PTPRD: variants seen among roughly 807,000 people sequenced by gnomAD.
PTPRD encodes the protein protein tyrosine phosphatase receptor type D.
In PTPRD, 34 loss-of-function variants were observed where a neutral mutation model predicts 214.5. That is an observed-to-expected ratio of 0.16 (90% confidence interval 0.12 to 0.21). The LOEUF is 0.21. Among genes scored for constraint, PTPRD ranks in the 10% least tolerant of loss-of-function variants. PTPRD has a pLI of 1.00. For missense variants in PTPRD, 2,545 were observed against 2,398.7 expected, an observed-to-expected ratio of 1.06 and a Z score of -1.27; for synonymous variants, 1,128 against 845.7, an observed-to-expected ratio of 1.33 and a Z score of -5.79.
chr9:9,396,640 C>A (rs1159060558), intron 9 of PTPRD, among the ~76,000 whole-genome samples: 1 of 151,852 alleles, frequency 6.6e-6, no homozygotes, highest in Non-Finnish European at 1.5e-5. Context: ...TTTTACCAAG[C>A]AGTCTAGTCT....
At chr9:8,713,495 T>C (rs2098390192) in intron 12 of PTPRD, 3 of 1,136,150 alleles carry the variant, frequency 2.6e-6, no homozygotes, top group Non-Finnish European at 2.6e-6. Flanking sequence ...GGGGAGACTG[T>C]CTACTGTGGT....
chr9:9,978,260 T>A (rs1368458349), intron 4 of PTPRD, among the ~76,000 whole-genome samples: 1 of 152,120 alleles, frequency 6.6e-6, no homozygotes, highest in African/African-American at 2.4e-5. Context: ...ACTGGGTAAC[T>A]GCTTTAAAAT....
intron 9 of PTPRD, among the ~76,000 whole-genome samples, chr9:9,269,087 G>GA (rs374207330): frequency 4.7e-4 from 71 of 151,124 alleles, no homozygotes; most frequent in African/African-American, 1.6e-3. Flanking sequence ...TACGGAATGG[G>GA]AAAAAATATC....
Position 9,874,927 on chromosome 9 carries a change from G to A in PTPRD, c.-368+63580C>T, listed in dbSNP as rs144862007. ...CCAGGATAAAATCTTATGATTCCAA[G>A]GTTTATAATAGATAGATTACCTTAA... On this transcript the variant is annotated intron_variant, in intron 5 of 45. Coordinates refer to ENST00000381196, the MANE Select transcript of PTPRD (RefSeq NM_002839.4). Among the ~76,000 whole-genome samples the A allele has an allele frequency of 2.2e-3, 340 of 152,130 alleles. 5 individuals are homozygous for A. The highest frequency in any genetic ancestry group is 8.1e-3 in the African/African-American group (335 of 41,516).
intron 7 of PTPRD, among the ~76,000 whole-genome samples, chr9:9,716,351 T>C (rs931851759): frequency 7.3e-5 from 11 of 151,724 alleles, no homozygotes; most frequent in Admixed American, 6.6e-4. Flanking sequence ...TGATTTATAG[T>C]CCTTTGGGTA....
intron 11 of PTPRD, among the ~76,000 whole-genome samples, chr9:8,819,925 A>C (rs2890828): frequency 6.6e-6 from 1 of 151,838 alleles, no homozygotes; most frequent in Admixed American, 6.6e-5. Context: ...TCAGGAAGCT[A>C]AGTATTATAA....
chr9:8,396,318 A>T (rs1019487034), intron 36 of PTPRD, among the ~76,000 whole-genome samples: 1 of 152,144 alleles, frequency 6.6e-6, no homozygotes, highest in East Asian at 1.9e-4. Flanking sequence ...GTAATTCCAA[A>T]TCTGGAAGGC....
At chr9:9,610,423 T>A (rs916247146) in intron 7 of PTPRD, among the ~76,000 whole-genome samples, 2 of 152,222 alleles carry the variant, frequency 1.3e-5, no homozygotes, top group African/African-American at 4.8e-5. Context: ...AACGGATTGA[T>A]AATCACTTAG....
chr9:8,588,462 G>C (rs554524390), intron 14 of PTPRD, among the ~76,000 whole-genome samples: 1 of 152,160 alleles, frequency 6.6e-6, no homozygotes, highest in Non-Finnish European at 1.5e-5. Context: ...ACAGTGGATA[G>C]GGAATGAACT....
intron 2 of PTPRD, among the ~76,000 whole-genome samples, chr9:10,599,678 G>C (rs931841569): frequency 4.0e-5 from 6 of 151,698 alleles, no homozygotes; most frequent in African/African-American, 1.2e-4. Flanking sequence ...TATTCATTTG[G>C]TTGTTAAGTT....
At chr9:8,411,541 T>C (rs1361017716) in intron 35 of PTPRD, among the ~76,000 whole-genome samples, 1 of 152,174 alleles carries the variant, frequency 6.6e-6, no homozygotes, top group Non-Finnish European at 1.5e-5. Flanking sequence ...TGACCTTAAG[T>C]GATCCACCTG....
intron 8 of PTPRD, among the ~76,000 whole-genome samples, chr9:9,445,716 C>G (rs1302643170): frequency 6.6e-6 from 1 of 152,054 alleles, no homozygotes; most frequent in Non-Finnish European, 1.5e-5. Flanking sequence ...CAGTTACCTC[C>G]CATGATTCCC....
intron 10 of PTPRD, among the ~76,000 whole-genome samples, chr9:9,063,851 G>C (rs561865867): frequency 6.6e-6 from 1 of 152,278 alleles, no homozygotes; most frequent in South Asian, 2.1e-4. Context: ...ACTTTTGCCA[G>C]GTCATTAGAT....
chr9:9,879,560 T>C (rs2067968756), intron 5 of PTPRD, among the ~76,000 whole-genome samples: 1 of 152,230 alleles, frequency 6.6e-6, no homozygotes, highest in African/African-American at 2.4e-5. Context: ...CTTGCAAGTA[T>C]TTGACACTGC....
chr9:10,125,416 GTTTTA>G (rs2098808932), intron 3 of PTPRD, among the ~76,000 whole-genome samples: 1 of 134,478 alleles, frequency 7.4e-6, no homozygotes, highest in Admixed American at 7.6e-5. Flanking sequence ...TATTTATTTT[GTTTTA>G]TTTTATTATT....
At chr9:9,588,100 A>G (rs575039773) in intron 7 of PTPRD, among the ~76,000 whole-genome samples, 1 of 152,018 alleles carries the variant, frequency 6.6e-6, no homozygotes, top group Admixed American at 6.6e-5. Flanking sequence ...ACAAACATTC[A>G]TCTGTACCCC....
At chr9:8,507,476 G>A (rs201998708) in intron 21 of PTPRD, 42 bp from the exon 22 acceptor site, 24 of 1,611,844 alleles carry the variant, frequency 1.5e-5, no homozygotes, top group Admixed American at 3.3e-5. Flanking sequence ...CAATCACCAG[G>A]AGTATTCACA....
chr9:8,696,151 C>T (rs543668532), intron 12 of PTPRD, among the ~76,000 whole-genome samples: 13 of 152,226 alleles, frequency 8.5e-5, no homozygotes, highest in Non-Finnish European at 1.9e-4. Flanking sequence ...ACCACCTTCA[C>T]GTTATGTTTT....
chr9:9,879,499 A>T (rs2067950801), intron 5 of PTPRD, among the ~76,000 whole-genome samples: 5 of 152,238 alleles, frequency 3.3e-5, no homozygotes, highest in Admixed American at 2.6e-4. Context: ...TTATTTGGAA[A>T]ATTAAATAGA....
Sources: allele counts gnomAD v4.1 joint callset (sites outside exome capture counted in the v4.1 genomes callset), GRCh38; gene constraint gnomAD v4.1.1; transcripts MANE v1.5; gene names NCBI Gene and HGNC (gene_info 2026-07-23, HGNC 2026-07-21).